Variants in EDARADD observed in about 807,000 individuals in gnomAD.
EDARADD encodes ectodysplasin-A receptor-associated adapter protein.
EDARADD carries 20 observed loss-of-function variants against 25.6 expected under a neutral mutation model. The ratio of observed to expected loss-of-function variants is 0.78; its 90% CI spans 0.55 to 1.14. EDARADD has a LOEUF of 1.14. Ranked by LOEUF, EDARADD falls within the 50% of genes most tolerant of loss-of-function variation. The pLI, the probability that EDARADD is intolerant of heterozygous loss-of-function variation, is 0.00. For missense variants in EDARADD, 225 were observed against 270.1 expected, an observed-to-expected ratio of 0.83 and a Z score of 1.17; for synonymous variants, 86 against 94.4, an observed-to-expected ratio of 0.91 and a Z score of 0.52.
intron 4 of EDARADD, among the ~76,000 whole-genome samples, chr1:236,438,515 C>T (rs1307568685): frequency 6.6e-6 from 1 of 152,058 alleles, no homozygotes; most frequent in Non-Finnish European, 1.5e-5. Context: ...CTTGTTTGGG[C>T]AGTGGGAAAA....
intron 1 of EDARADD, among the ~76,000 whole-genome samples, chr1:236,402,595 G>C (rs1403276760): frequency 2.0e-5 from 3 of 151,938 alleles, no homozygotes; most frequent in African/African-American, 7.3e-5. Context: ...TAAATAAGTA[G>C]AAATGAGGTC....
chr1:236,453,709 A>G (rs1658774337), intron 4 of EDARADD, among the ~76,000 whole-genome samples: 1 of 152,142 alleles, frequency 6.6e-6, no homozygotes, highest in Non-Finnish European at 1.5e-5. Flanking sequence ...AATAGGCTTT[A>G]CCACCCAGCC....
intron 5 of EDARADD, among the ~76,000 whole-genome samples, chr1:236,469,156 G>T (rs1458618495): frequency 6.6e-6 from 1 of 152,102 alleles, no homozygotes; most frequent in African/African-American, 2.4e-5. Context: ...AAGGGATAGG[G>T]AGTGAGGGAG....
intron 3 of EDARADD, among the ~76,000 whole-genome samples, chr1:236,374,421 A>T (rs1667202402): frequency 1.3e-5 from 2 of 151,992 alleles, no homozygotes; most frequent in Admixed American, 6.6e-5. Context: ...GGTATGCATC[A>T]CCATGCCTGG....
chr1:236,482,545 C>T lies in EDARADD; in HGVS notation c.544C>T (p.Leu182Phe). 2 of 1,613,170 alleles carry T rather than the reference C, an allele frequency of 1.2e-6. No individual in the cohort carries two copies. Among genetic ancestry groups the T allele is most frequent in the South Asian group, 1.1e-5 (1 of 91,020 alleles). The part of the protein sequence containing the change: ...SQRTVGQLME[L>F]CRLYHRADVE... ...GAGGACGGTGGGCCAGCTGATGGAG[C>T]TCTGCAGGCTCTACCACAGGGCCGA... The change falls in exon 6 of 6, where the codon CTC (leucine) becomes TTC (phenylalanine). Residue 182 changes from leucine (L) to phenylalanine (F), a missense_variant. By Grantham distance (22) the Leu-to-Phe change is conservative. Transcript: ENST00000334232.
At chr1:236,456,360 T>C (rs1658865077) in intron 4 of EDARADD, among the ~76,000 whole-genome samples, 1 of 152,228 alleles carries the variant, frequency 6.6e-6, no homozygotes, top group South Asian at 2.1e-4. Flanking sequence ...TGTGTTGGAA[T>C]AACTCACTGA....
intron 1 of EDARADD, among the ~76,000 whole-genome samples, chr1:236,396,304 A>G (rs962318925): frequency 2.6e-5 from 4 of 152,098 alleles, no homozygotes; most frequent in African/African-American, 9.7e-5. Flanking sequence ...ACGTGAATCT[A>G]AAATCCGTCC....
Position 236,484,572 on chromosome 1 carries a change from C to T in EDARADD, c.*1923C>T, listed in dbSNP as rs773247620. On this transcript the variant is annotated 3_prime_UTR_variant, in exon 6 of 6. Transcript: ENST00000334232. The surrounding 1 kb of genome is among the most constrained non-coding windows in gnomAD (Gnocchi z 4.1). Reference sequence around the variant, plus strand: ...ACCCCCGAGCAACATTTGTAGGGGCCGCTGCTAGTTAGCTACCCTTGCCCA... The same window carrying T: ...ACCCCCGAGCAACATTTGTAGGGGCTGCTGCTAGTTAGCTACCCTTGCCCA... 5.9e-5 allele frequency: 52 copies of T among 880,892 alleles called. No individual in the cohort carries two copies. Among genetic ancestry groups the T allele is most frequent in the South Asian group, 5.6e-4 (38 of 67,760 alleles). 54.6% of individuals were successfully genotyped at this position (880,892 alleles called of 1,614,324 possible).
At position 236,446,554 on chromosome 1, in the gene EDARADD, G is replaced by GAA. The variant is rs11315580; in HGVS notation, c.219+19114_219+19115dup. 7.5e-4 allele frequency among the ~76,000 whole-genome samples: 112 copies of GAA among 148,538 alleles called. 1 individual carries two copies. The East Asian group carries it at 0.021, about 28-fold the overall frequency. ...GTGACAGAGCAACACTCCATCTCAA[G>GAA]AAAAAAAAAAAGAGAAAGTCATAAA... On this transcript the variant is annotated intron_variant, in intron 4 of 5. Coordinates refer to ENST00000334232, the MANE Select transcript of EDARADD (RefSeq NM_145861.4).
chr1:236,350,102 C>T (rs1666898391), intron 2 of EDARADD, among the ~76,000 whole-genome samples: 1 of 151,830 alleles, frequency 6.6e-6, no homozygotes, highest in Admixed American at 6.6e-5. Flanking sequence ...GAGACCCTGT[C>T]TCAAAAAAAC....
At position 236,483,566 on chromosome 1, in the gene EDARADD, C is replaced by G; in HGVS notation, c.*917C>G. On this transcript the variant is annotated 3_prime_UTR_variant, in exon 6 of 6. Coordinates refer to ENST00000334232, the MANE Select transcript of EDARADD (RefSeq NM_145861.4). The stretch of plus-strand genomic sequence containing the variant: ...AGGGGGTTCCCCTGTACCACCACAT[C>G]GCCGACTTGTCTGGCAACTCCAAAG... 2 of 1,306,844 alleles carry G rather than the reference C, an allele frequency of 1.5e-6. No individual in the cohort carries two copies. Among genetic ancestry groups the G allele is most frequent in the East Asian group, 4.6e-5 (2 of 43,230 alleles). 81.0% of individuals were successfully genotyped at this position (1,306,844 alleles called of 1,614,324 possible). A position where few individuals can be genotyped will look rare whatever the true frequency, so the allele number is the denominator to read the frequency against.
intron 3 of EDARADD, among the ~76,000 whole-genome samples, chr1:236,415,945 G>A (rs1351436240): frequency 6.6e-6 from 1 of 152,192 alleles, no homozygotes; most frequent in Non-Finnish European, 1.5e-5. Flanking sequence ...ACGCACTAAC[G>A]TGAGTCTCCC....
At chr1:236,363,006 A>AAATATATATATAT (rs1377112051) in intron 3 of EDARADD, among the ~76,000 whole-genome samples, 12 of 42,942 alleles carry the variant, frequency 2.8e-4, no homozygotes, top group African/African-American at 4.4e-4. Context: ...AAAAAAAAAA[A>AAATATATATATAT]ATATATATAT....
intron 3 of EDARADD, among the ~76,000 whole-genome samples, chr1:236,375,677 A>T (rs980037682): frequency 1.3e-4 from 18 of 143,414 alleles, no homozygotes; most frequent in Non-Finnish European, 2.5e-4. Flanking sequence ...AAAAAAAGAT[A>T]AAAAAAAATA....
chr1:236,382,350 G>A (rs1227661379), intron 3 of EDARADD, among the ~76,000 whole-genome samples: 1 of 152,012 alleles, frequency 6.6e-6, no homozygotes, highest in Non-Finnish European at 1.5e-5. Flanking sequence ...ACCTTTTTAT[G>A]TTTTGTGTGT....
chr1:236,373,936 T>G (rs1667197992), intron 3 of EDARADD, among the ~76,000 whole-genome samples: 1 of 152,244 alleles, frequency 6.6e-6, no homozygotes, highest in Non-Finnish European at 1.5e-5. Context: ...TTCAGAAGTA[T>G]GTTGTTTGAT....
chr1:236,424,154 C>CTTTT (rs34454343), intron 3 of EDARADD, among the ~76,000 whole-genome samples: 2,994 of 74,328 alleles, frequency 0.04, 150 homozygotes, highest in Admixed American at 0.08. Context: ...TGTGAAGCAT[C>CTTTT]TTTTTTTTTT....
chr1:236,448,655 A>G (rs188613232), intron 4 of EDARADD, among the ~76,000 whole-genome samples: 3 of 152,196 alleles, frequency 2.0e-5, no homozygotes, highest in Admixed American at 2.0e-4. Context: ...ATAACTAACT[A>G]TAGGTGCTCC....
rs530109023 is a variant in EDARADD, at chr1:236,482,811, C to T, written c.*162C>T. On this transcript the variant is annotated 3_prime_UTR_variant, in exon 6 of 6. Transcript: ENST00000334232. ...AGTTTTGTGGAGGGGTAGCTTGTTTCGGTGGTGGATCTCTGTTTATTTTTG... is the reference window on the plus strand; with the variant it reads ...AGTTTTGTGGAGGGGTAGCTTGTTTTGGTGGTGGATCTCTGTTTATTTTTG... 47 of 870,456 alleles carry T rather than the reference C, an allele frequency of 5.4e-5. No individual in the cohort carries two copies. The highest frequency in any genetic ancestry group is 4.7e-4 in the South Asian group (30 of 63,466). The allele number at this position is 870,456 out of a possible 1,614,324, so 53.9% of individuals were successfully genotyped here.
Sources: allele counts gnomAD v4.1 joint callset (sites outside exome capture counted in the v4.1 genomes callset), GRCh38; gene constraint gnomAD v4.1.1; non-coding constraint Gnocchi (gnomAD v3.1); transcripts MANE v1.5; gene names NCBI Gene and HGNC (gene_info 2026-07-23, HGNC 2026-07-21).